Variants in CNTNAP4 observed in about 807,000 individuals in gnomAD.
CNTNAP4 encodes the protein contactin-associated protein-like 4.
In CNTNAP4, 98 loss-of-function variants were observed where a neutral mutation model predicts 148.4. That is an observed-to-expected ratio of 0.66 (90% confidence interval 0.56 to 0.78). The LOEUF (loss-of-function observed/expected upper bound fraction) is 0.78, where lower values mean the gene tolerates loss of function less well. Ranked by LOEUF, CNTNAP4 falls within the 30% of genes least tolerant of loss-of-function variation. CNTNAP4 has a pLI of 0.00. For synonymous variants in CNTNAP4, 730 were observed against 565.1 expected, an observed-to-expected ratio of 1.29 and a Z score of -4.14; for missense variants, 1,935 against 1,565.6, an observed-to-expected ratio of 1.24 and a Z score of -3.98.
At chr16:76,420,427 G>C (rs1224842008) in intron 3 of CNTNAP4, among the ~76,000 whole-genome samples, 3 of 151,824 alleles carry the variant, frequency 2.0e-5, no homozygotes, top group African/African-American at 7.3e-5. Context: ...CACTTTTACA[G>C]GCAACCAGAA....
At chr16:76,447,742 G>A (rs1438211928) in intron 4 of CNTNAP4, among the ~76,000 whole-genome samples, 1 of 152,156 alleles carries the variant, frequency 6.6e-6, no homozygotes, top group Non-Finnish European at 1.5e-5. Context: ...TCAACAATAA[G>A]CTAATGTAAG....
chr16:76,455,209 G>C (rs1351560920), intron 8 of CNTNAP4, among the ~76,000 whole-genome samples: 1 of 152,150 alleles, frequency 6.6e-6, no homozygotes, highest in African/African-American at 2.4e-5. Flanking sequence ...TCAATGAGCA[G>C]TACAGTTTTA....
At chr16:76,525,103 G>C (rs535343857) in intron 17 of CNTNAP4, among the ~76,000 whole-genome samples, 2 of 152,162 alleles carry the variant, frequency 1.3e-5, no homozygotes, top group Admixed American at 6.5e-5. Context: ...CAATCAAGCT[G>C]ATAAAACAGT....
chr16:76,545,509 C>A (rs1202538114), intron 21 of CNTNAP4, among the ~76,000 whole-genome samples: 4 of 152,008 alleles, frequency 2.6e-5, no homozygotes, highest in African/African-American at 9.7e-5. Context: ...CAAGTGTATT[C>A]CTCTGACAAT....
chr16:76,428,924 G>C (rs2079518685), intron 4 of CNTNAP4, among the ~76,000 whole-genome samples: 1 of 152,092 alleles, frequency 6.6e-6, no homozygotes, highest in Non-Finnish European at 1.5e-5. Flanking sequence ...TTGAAAATGA[G>C]AAAGCTAAAG....
chr16:76,277,735 G>T lies in CNTNAP4; in HGVS notation c.73G>T (p.Ala25Ser). 1 of 1,595,364 alleles carries T rather than the reference G, an allele frequency of 6.3e-7. No individual in the cohort carries two copies. Among genetic ancestry groups the T allele is most frequent in the Non-Finnish European group, 8.6e-7 (1 of 1,168,514 alleles). The change falls in exon 1 of 24, where the codon GCT becomes TCT. Residue 25 changes from alanine to serine, a missense_variant. Ala to Ser is a moderately conservative substitution (Grantham distance 99). Coordinates refer to ENST00000611870, the MANE Select transcript of CNTNAP4 (RefSeq NM_033401.5). Reference sequence around the variant, plus strand: ...TACTCAAAATTGGAACAGAGTCGAAGCTGGGAATTCCTGTAAGTATACAGC... The same window carrying T: ...TACTCAAAATTGGAACAGAGTCGAATCTGGGAATTCCTGTAAGTATACAGC... ...LSTQNWNRVE[A>S]GNSYDCDDPL...
At chr16:76,417,443 T>C (rs984747089) in intron 3 of CNTNAP4, among the ~76,000 whole-genome samples, 6 of 151,502 alleles carry the variant, frequency 4.0e-5, no homozygotes, top group African/African-American at 4.8e-5. Flanking sequence ...ATTCTACTTA[T>C]TATATAGTGC....
At chr16:76,546,006 G>T (rs2084708680) in intron 21 of CNTNAP4, among the ~76,000 whole-genome samples, 1 of 151,232 alleles carries the variant, frequency 6.6e-6, no homozygotes, top group South Asian at 2.1e-4. Context: ...TTGCACTCCA[G>T]CCTGGTGACA....
At chr16:76,481,008 C>G (rs1044488435) in intron 12 of CNTNAP4, among the ~76,000 whole-genome samples, 7 of 152,112 alleles carry the variant, frequency 4.6e-5, no homozygotes, top group Non-Finnish European at 1.0e-4. Context: ...TACTGATTGG[C>G]TACGTAAAGC....
At chr16:76,471,595 G>A (rs900324470) in intron 10 of CNTNAP4, among the ~76,000 whole-genome samples, 1 of 151,966 alleles carries the variant, frequency 6.6e-6, no homozygotes, top group Non-Finnish European at 1.5e-5. Flanking sequence ...CTCCATCCAG[G>A]CCCGTTGTTT....
chr16:76,328,017 A>T (rs1234324243), intron 2 of CNTNAP4, among the ~76,000 whole-genome samples: 1 of 152,214 alleles, frequency 6.6e-6, no homozygotes, highest in African/African-American at 2.4e-5. Flanking sequence ...CTCATCACCC[A>T]GTGAAGTGGA....
intron 4 of CNTNAP4, among the ~76,000 whole-genome samples, chr16:76,447,356 T>TTATATA (rs369902182): frequency 1.4e-5 from 2 of 147,466 alleles, no homozygotes; most frequent in Non-Finnish European, 3.0e-5. Flanking sequence ...ATATATGAAA[T>TTATATA]TATATATATA....
chr16:76,485,415 C>A (rs35723729), intron 12 of CNTNAP4, among the ~76,000 whole-genome samples: 2 of 152,106 alleles, frequency 1.3e-5, no homozygotes, highest in African/African-American at 2.4e-5. Context: ...CTGTGCCCAG[C>A]CTTCATTGCT....
At chr16:76,383,956 A>C (rs531545986) in intron 3 of CNTNAP4, among the ~76,000 whole-genome samples, 156 of 152,172 alleles carry the variant, frequency 1.0e-3, no homozygotes, top group African/African-American at 3.6e-3. Context: ...ATGACAGATA[A>C]ATGTTTTCTC....
At chr16:76,479,831 G>C (rs2081747976) in intron 12 of CNTNAP4, among the ~76,000 whole-genome samples, 2 of 152,024 alleles carry the variant, frequency 1.3e-5, no homozygotes, top group Admixed American at 6.6e-5. Flanking sequence ...ACATGTAAAA[G>C]CTTTGAAGAA....
intron 16 of CNTNAP4, among the ~76,000 whole-genome samples, chr16:76,521,722 CAGTTGCTATTT>C (rs1207898331): frequency 6.6e-6 from 1 of 152,108 alleles, no homozygotes; most frequent in African/African-American, 2.4e-5. Context: ...CGTACAATGC[CAGTTGCTATTT>C]AGTTTCCTTG....
At chr16:76,495,453 TTAC>T (rs1267512605) in intron 14 of CNTNAP4, among the ~76,000 whole-genome samples, 2 of 152,084 alleles carry the variant, frequency 1.3e-5, no homozygotes, top group African/African-American at 2.4e-5. Flanking sequence ...AACTTAGAAT[TTAC>T]TACAATTATT....
At chr16:76,529,876 CAT>C (rs368309768) in intron 17 of CNTNAP4, among the ~76,000 whole-genome samples, 304 of 102,046 alleles carry the variant, frequency 3.0e-3, no homozygotes, top group Non-Finnish European at 5.2e-3. Context: ...TGTGTGTAAA[CAT>C]GTGTGTATTT....
intron 3 of CNTNAP4, among the ~76,000 whole-genome samples, chr16:76,392,145 C>T (rs1190154971): frequency 1.3e-5 from 2 of 152,086 alleles, no homozygotes; most frequent in Non-Finnish European, 2.9e-5. Flanking sequence ...AGGCTTGTGC[C>T]ACCACACCCA....
Sources: allele counts gnomAD v4.1 joint callset (sites outside exome capture counted in the v4.1 genomes callset), GRCh38; gene constraint gnomAD v4.1.1; transcripts MANE v1.5; gene names NCBI Gene and HGNC (gene_info 2026-07-23, HGNC 2026-07-21).